BIRC6: variants seen among roughly 807,000 people sequenced by gnomAD.
BIRC6 encodes baculoviral IAP repeat containing 6, also known as dual E2 ubiquitin-conjugating enzyme/E3 ubiquitin-protein ligase BIRC6.
In BIRC6, 98 loss-of-function variants were observed where a neutral mutation model predicts 503.3. The ratio of observed to expected loss-of-function variants is 0.19; its 90% CI spans 0.17 to 0.23. BIRC6 has a LOEUF of 0.23. Ranked by LOEUF, BIRC6 falls within the 10% of genes least tolerant of loss-of-function variation. BIRC6 has a pLI of 1.00. For missense variants in BIRC6, 5,360 were observed against 5,806.0 expected, an observed-to-expected ratio of 0.92 and a Z score of 2.50; for synonymous variants, 2,240 against 2,078.7, an observed-to-expected ratio of 1.08 and a Z score of -2.11.
intron 39 of BIRC6, among the ~76,000 whole-genome samples, chr2:32,485,190 G>A (rs1344200309): frequency 6.6e-6 from 1 of 152,182 alleles, no homozygotes; most frequent in Admixed American, 6.5e-5. Context: ...GAGCTAGGGA[G>A]TATGTGTTTG....
chr2:32,359,965 A>G (rs979228169), intron 1 of BIRC6, among the ~76,000 whole-genome samples: 16 of 152,148 alleles, frequency 1.1e-4, no homozygotes, highest in African/African-American at 3.9e-4. Flanking sequence ...TTTATGTTTT[A>G]CTTAGAATCT....
intron 2 of BIRC6, among the ~76,000 whole-genome samples, chr2:32,378,172 GA>G (rs2037098266): frequency 6.6e-6 from 1 of 152,138 alleles, no homozygotes; most frequent in South Asian, 2.1e-4. Flanking sequence ...CAGGGAAAGA[GA>G]GGGCAAGAGG....
chr2:32,484,965 CTCA>C (rs1306294147), intron 39 of BIRC6, among the ~76,000 whole-genome samples: 1 of 152,222 alleles, frequency 6.6e-6, no homozygotes, highest in Admixed American at 6.5e-5. Flanking sequence ...TTGAGATTTT[CTCA>C]TCATTTTAGC....
In BIRC6 at chr2:32,468,538, A is replaced by T; in HGVS notation, c.5882A>T (p.Asp1961Val). The change falls in exon 29 of 74, where the codon GAT becomes GTT. Residue 1961 changes from aspartate (D) to valine (V), a missense_variant. Physicochemically the swap from Asp to Val is radical, Grantham distance 152. Around this residue, in one of 16 missense-constraint regions of BIRC6, gnomAD observed 2,299 missense variants for 2,267.2 expected, o/e 1.01. Transcript: ENST00000421745. The part of the protein sequence containing the change: ...NNAQYFLRKP[D>V]KAVEEDSRVF... ...GCACAGTACTTTTTACGAAAACCAGATAAGGCAGTTGAGGAAGACAGTAGG... is the reference window on the plus strand; with the variant it reads ...GCACAGTACTTTTTACGAAAACCAGTTAAGGCAGTTGAGGAAGACAGTAGG... 6.2e-7 allele frequency: 1 copy of T among 1,614,020 alleles called. No individual in the cohort carries two copies. The highest frequency in any genetic ancestry group is 8.5e-7 in the Non-Finnish European group (1 of 1,179,882).
chr2:32,422,626 T>A (rs953063790), intron 10 of BIRC6, among the ~76,000 whole-genome samples: 2 of 152,120 alleles, frequency 1.3e-5, no homozygotes, highest in Non-Finnish European at 1.5e-5. Context: ...AGAAAACTGG[T>A]TTTATGCTTT....
intron 36 of BIRC6, 52 bp downstream of exon 36, chr2:32,478,870 T>G: frequency 6.4e-7 from 1 of 1,553,638 alleles, no homozygotes; most frequent in Non-Finnish European, 8.8e-7. Context: ...TTGTCATTGC[T>G]CAACTAAGAA....
chr2:32,560,524 G>A (rs1014346337), intron 65 of BIRC6, among the ~76,000 whole-genome samples: 1 of 152,166 alleles, frequency 6.6e-6, no homozygotes, highest in Non-Finnish European at 1.5e-5. Flanking sequence ...TTTCAGAGGA[G>A]CTGTGTTGTT....
intron 1 of BIRC6, among the ~76,000 whole-genome samples, chr2:32,374,873 G>T (rs1424330128): frequency 6.6e-6 from 1 of 152,168 alleles, no homozygotes; most frequent in Admixed American, 6.6e-5. Flanking sequence ...CCTAAGTGTT[G>T]TATTATGGGT....
At chr2:32,519,536 A>T (rs1558957273) in intron 57 of BIRC6, among the ~76,000 whole-genome samples, 1 of 151,960 alleles carries the variant, frequency 6.6e-6, no homozygotes, top group Non-Finnish European at 1.5e-5. Flanking sequence ...TAATTTTGAG[A>T]GGGGGGTCTC....
intron 65 of BIRC6, among the ~76,000 whole-genome samples, chr2:32,568,607 G>A (rs1219350843): frequency 1.3e-5 from 2 of 151,928 alleles, no homozygotes; most frequent in African/African-American, 2.4e-5. Context: ...CACTTCGAGA[G>A]TTCGAGGCGG....
chr2:32,430,215 G>A (rs950336670), intron 11 of BIRC6, among the ~76,000 whole-genome samples: 5 of 151,898 alleles, frequency 3.3e-5, no homozygotes, highest in Non-Finnish European at 5.9e-5. Flanking sequence ...TTTTAAAATG[G>A]GAACAATGGC....
At position 32,448,996 on chromosome 2, in the gene BIRC6, AATAGATT is replaced by A. The variant is rs2046383842; in HGVS notation, c.4618+73_4618+79del. 2.1e-6 allele frequency: 3 copies of A among 1,447,958 alleles called. No homozygotes were observed. In the South Asian group the frequency reaches 3.9e-5, roughly 19 times the overall value. 89.7% of individuals were successfully genotyped at this position (1,447,958 alleles called of 1,614,324 possible). On this transcript the variant is annotated intron_variant, in intron 22 of 73. Coordinates refer to ENST00000421745, the MANE Select transcript of BIRC6 (RefSeq NM_016252.4). ...TTGGATTTAAGTTGCCATTTGACTT[AATAGATT>A]ATAGTCATGATGTTTTGTCTTTAGA...
At chr2:32,391,885 C>G (rs1309236376) in intron 4 of BIRC6, among the ~76,000 whole-genome samples, 154 bp from the exon 5 acceptor site, 4 of 152,208 alleles carry the variant, frequency 2.6e-5, no homozygotes, top group Non-Finnish European at 5.9e-5. Context: ...CAAAAATTAC[C>G]GTTTTTAGTT....
intron 3 of BIRC6, among the ~76,000 whole-genome samples, chr2:32,383,565 C>T (rs989446617): frequency 6.6e-6 from 1 of 152,006 alleles, no homozygotes; most frequent in Non-Finnish European, 1.5e-5. Context: ...GAGATGGAGT[C>T]TCACTTTGTC....
intron 23 of BIRC6, among the ~76,000 whole-genome samples, chr2:32,459,988 C>T (rs1358766346): frequency 6.7e-6 from 1 of 150,248 alleles, no homozygotes; most frequent in East Asian, 1.9e-4. Flanking sequence ...TAATATGTTG[C>T]AATCATGTTG....
chr2:32,467,602 T>A lies in BIRC6; in HGVS notation c.5434T>A (p.Leu1812Met). 1 of 1,613,976 alleles carries A rather than the reference T, an allele frequency of 6.2e-7. No homozygotes were observed. Among genetic ancestry groups the A allele is most frequent in the Non-Finnish European group, 8.5e-7 (1 of 1,179,882 alleles). Residue 1812 changes from leucine to methionine, a missense_variant, in exon 27 of 74, where the codon TTG becomes ATG. By Grantham distance (15) the Leu-to-Met change is conservative. This residue lies in a region of BIRC6 where 2,299 missense variants were observed against 2,267.2 expected (regional missense o/e 1.01). Transcript: ENST00000421745. ...TDVLIPTCGD[L>M]ASLSIDIWTL... The stretch of plus-strand genomic sequence containing the variant: ...TGTATTGATTCCCACTTGTGGAGAC[T>A]TGGCCTCTTTGTCAATTGACATTTG...
In BIRC6 at chr2:32,493,606, A is replaced by T. The variant is rs2052027980; in HGVS notation, c.8407A>T (p.Thr2803Ser). Residue 2803 changes from threonine to serine, a missense_variant, in exon 45 of 74, where the codon ACA becomes TCA. By Grantham distance (58) the Thr-to-Ser change is moderately conservative (BLOSUM62 1). Transcript: ENST00000421745. The part of the protein sequence containing the change: ...LTRLQVHLSS[T>S]CPQIFSEFLL... The stretch of plus-strand genomic sequence containing the variant: ...TCGATTACAAGTGCATCTTTCTTCA[A>T]CATGTCCTCAGATATTCAGTGAATT... 2.5e-6 allele frequency: 4 copies of T among 1,609,170 alleles called. No individual in the cohort carries two copies. The highest frequency in any genetic ancestry group is 2.5e-6 in the Non-Finnish European group (3 of 1,176,678).
At chr2:32,384,676 C>A (rs1410566744) in intron 3 of BIRC6, among the ~76,000 whole-genome samples, 1 of 152,092 alleles carries the variant, frequency 6.6e-6, no homozygotes, top group Admixed American at 6.6e-5. Flanking sequence ...GCAGATTAGG[C>A]AATCAGCAAC....
chr2:32,570,404 G>A (rs1320134897), intron 65 of BIRC6, among the ~76,000 whole-genome samples: 1 of 152,074 alleles, frequency 6.6e-6, no homozygotes, highest in Non-Finnish European at 1.5e-5. Flanking sequence ...GGCTGGTCTC[G>A]AACTCCTTGC....
Sources: allele counts gnomAD v4.1 joint callset (sites outside exome capture counted in the v4.1 genomes callset), GRCh38; gene constraint gnomAD v4.1.1; regional missense constraint gnomAD v4.1.1; transcripts MANE v1.5; gene names NCBI Gene and HGNC (gene_info 2026-07-23, HGNC 2026-07-21).